TAMM41: variants seen among roughly 807,000 people sequenced by gnomAD.
TAMM41 encodes TAM41 mitochondrial translocator assembly and maintenance homolog, also known as phosphatidate cytidylyltransferase, mitochondrial.
TAMM41 carries 36 observed loss-of-function variants against 44.1 expected under a neutral mutation model. That is an observed-to-expected ratio of 0.82 (90% confidence interval 0.63 to 1.08). TAMM41 has a LOEUF of 1.08. TAMM41 is among the 50% of genes least tolerant of loss of function. The probability of loss-of-function intolerance (pLI) is 0.00; values close to 1 mark genes in which losing one functional copy is unlikely to be tolerated. For synonymous variants in TAMM41, 164 were observed against 153.1 expected, an observed-to-expected ratio of 1.07 and a Z score of -0.53; for missense variants, 417 against 404.3, an observed-to-expected ratio of 1.03 and a Z score of -0.27.
intron 6 of TAMM41, chr3:11,809,156 G>T: frequency 6.5e-6 from 2 of 308,676 alleles, no homozygotes; most frequent in South Asian, 6.1e-5. Flanking sequence ...CTGTGTTCTC[G>T]ATGTTATAAA....
chr3:11,772,820 T>C, the TAMM41 span, among the ~76,000 whole-genome samples: 1 of 152,206 alleles, frequency 6.6e-6, no homozygotes, highest in African/African-American at 2.4e-5. Context: ...TCTACATACA[T>C]TGATGCTAAT....
At chr3:11,833,156 G>A in intron 3 of TAMM41, 4 of 1,283,732 alleles carry the variant, frequency 3.1e-6, no homozygotes, top group Non-Finnish European at 4.1e-6. Flanking sequence ...AGAGGCCTGG[G>A]AAAAAAAGAA....
intron 7 of TAMM41, among the ~76,000 whole-genome samples, chr3:11,800,167 A>G (rs949399807): frequency 1.3e-5 from 2 of 152,192 alleles, no homozygotes; most frequent in Non-Finnish European, 2.9e-5. Context: ...AGTTCTTATA[A>G]AACAATCTCA....
rs915785935 is a variant in TAMM41 at position 11,807,500 on chromosome 3, A to G, written c.937+333T>C. The G allele has an allele frequency of 3.3e-6, 5 of 1,536,058 alleles. No individual in the cohort carries two copies. The African/African-American group carries it at 6.8e-5, about 21-fold the overall frequency. ...CTCAGAGAAGGGGAAGAGGAGGGGG[A>G]GCACAGATGCTGCTGTTTTTGCAAT... On this transcript the variant is annotated intron_variant, in intron 7 of 7. Coordinates refer to ENST00000455809, the MANE Select transcript of TAMM41 (RefSeq NM_001284401.2).
the TAMM41 span, among the ~76,000 whole-genome samples, chr3:11,731,307 A>G: frequency 8.5e-5 from 13 of 152,196 alleles, no homozygotes; most frequent in Admixed American, 2.6e-4. Context: ...AGGAGACATC[A>G]TCCTCTTTCC....
chr3:11,781,866 C>T, the TAMM41 span, among the ~76,000 whole-genome samples: 4 of 152,058 alleles, frequency 2.6e-5, no homozygotes, highest in African/African-American at 9.7e-5. Context: ...TGGGTTGACT[C>T]ATCCCACCGG....
the TAMM41 span, among the ~76,000 whole-genome samples, chr3:11,770,791 C>T: frequency 6.6e-6 from 1 of 152,258 alleles, no homozygotes; most frequent in African/African-American, 2.4e-5. Flanking sequence ...GCAGGGGAGG[C>T]ATGTGTTAAA....
chr3:11,806,908 T>G (rs1353455937), intron 7 of TAMM41, among the ~76,000 whole-genome samples: 11 of 152,040 alleles, frequency 7.2e-5, no homozygotes. Context: ...ACAACAATCC[T>G]AGAAGTAAAA....
At chr3:11,725,427 C>CTT in the TAMM41 span, among the ~76,000 whole-genome samples, 1 of 99,490 alleles carries the variant, frequency 1.0e-5, no homozygotes, top group African/African-American at 4.5e-5. Context: ...CTTCTTCTTT[C>CTT]CTCCTCCTCC....
downstream of TAMM41, among the ~76,000 whole-genome samples, chr3:11,785,678 G>A (rs868624058): frequency 3.3e-5 from 5 of 151,826 alleles, no homozygotes; most frequent in Admixed American, 6.6e-5. Context: ...GCAGTGCCAC[G>A]ATCTCCGCTC....
chr3:11,722,017 A>C, the TAMM41 span: 1 of 152,236 alleles, frequency 6.6e-6, no homozygotes, highest in Non-Finnish European at 1.5e-5. Context: ...ATTTATAAAA[A>C]TGGCCCAAGG....
the TAMM41 span, among the ~76,000 whole-genome samples, chr3:11,771,827 C>A: frequency 1.3e-5 from 2 of 152,304 alleles, no homozygotes; most frequent in South Asian, 2.1e-4. Context: ...AGGTGATCGA[C>A]CCACCTCGGC....
chr3:11,724,604 C>T, the TAMM41 span, among the ~76,000 whole-genome samples: 1 of 151,674 alleles, frequency 6.6e-6, no homozygotes, highest in African/African-American at 2.4e-5. Context: ...TTAGTAGAGA[C>T]GGGGTTTCGC....
intron 4 of TAMM41, among the ~76,000 whole-genome samples, chr3:11,822,511 T>TG (rs2078563335): frequency 6.6e-6 from 1 of 152,136 alleles, no homozygotes; most frequent in African/African-American, 2.4e-5. Flanking sequence ...GCTGTCATTT[T>TG]GGTTCAGTGA....
the TAMM41 span, among the ~76,000 whole-genome samples, chr3:11,777,204 A>G: frequency 6.6e-6 from 1 of 152,224 alleles, no homozygotes; most frequent in African/African-American, 2.4e-5. Flanking sequence ...TCTTTTCACA[A>G]TGTATACATA....
intron 7 of TAMM41, among the ~76,000 whole-genome samples, chr3:11,805,007 T>TGG (rs1559275835): frequency 8.7e-5 from 12 of 138,600 alleles, no homozygotes; most frequent in African/African-American, 3.2e-4. Context: ...TTTTTTTTTT[T>TGG]TTTTTTTTTT....
At chr3:11,816,763 C>A (rs1453406623) in intron 5 of TAMM41, among the ~76,000 whole-genome samples, 1 of 151,700 alleles carries the variant, frequency 6.6e-6, no homozygotes, top group Admixed American at 6.6e-5. Flanking sequence ...CAGAGTCAGA[C>A]CCTGTCCCCC....
intron 1 of TAMM41, among the ~76,000 whole-genome samples, chr3:11,845,858 G>A (rs2079659982): frequency 6.6e-6 from 1 of 152,168 alleles, no homozygotes; most frequent in Admixed American, 6.5e-5. Context: ...AAGTAACAAT[G>A]CCTAGTCTCA....
At chr3:11,786,689 C>T (rs2077419988), downstream of TAMM41, among the ~76,000 whole-genome samples, 1 of 152,138 alleles carries the variant, frequency 6.6e-6, no homozygotes, top group East Asian at 1.9e-4. Flanking sequence ...CAGCCTCAAC[C>T]TTCTAGGCTC....
Sources: allele counts gnomAD v4.1 joint callset (sites outside exome capture counted in the v4.1 genomes callset), GRCh38; gene constraint gnomAD v4.1.1; transcripts MANE v1.5; gene names NCBI Gene and HGNC (gene_info 2026-07-23, HGNC 2026-07-21).